PACRGL: variants seen among roughly 807,000 people sequenced by gnomAD.
PACRGL encodes the protein parkin coregulated like, also known as PACRG-like protein.
In PACRGL, 38 loss-of-function variants were observed where a neutral mutation model predicts 34.5. The observed-to-expected ratio is 1.10, with a 90% CI of 0.85 to 1.44. The LOEUF is 1.44. Among genes scored for constraint, PACRGL ranks in the 40% most tolerant of loss-of-function variants. The pLI is 0.00. For missense variants in PACRGL, 305 were observed against 281.4 expected (o/e 1.08, Z -0.60); for synonymous variants, 128 against 100.1 (o/e 1.28, Z -1.66).
At chr4:20,753,564 G>C (rs145168311), downstream of PACRGL, among the ~76,000 whole-genome samples, 356 of 152,176 alleles carry the variant, frequency 2.3e-3, 8 homozygotes, top group South Asian at 0.046. Context: ...AATCAATCTG[G>C]TTTATTTCTT....
At chr4:20,765,495 C>T in the PACRGL span, among the ~76,000 whole-genome samples, 2 of 152,124 alleles carry the variant, frequency 1.3e-5, no homozygotes, top group African/African-American at 2.4e-5. Context: ...CAATCTTTTT[C>T]TTTTTAGAAA....
chr4:20,746,890 T>A lies in PACRGL; in HGVS notation c.*57-5675T>A, dbSNP rs75454401. 3.9e-3 allele frequency among the ~76,000 whole-genome samples: 595 copies of A among 152,292 alleles called. 6 individuals carry two copies. Among genetic ancestry groups the A allele is most frequent in the African/African-American group, 0.013 (558 of 41,570 alleles). On this transcript the variant is annotated intron_variant, in intron 8 of 8. Transcript: ENST00000507634. ...ATGGTCTCTCTACTGTACCTCTCAGTATGCTATTGCTATTATTCAAAATGT... is the reference window on the plus strand; with the variant it reads ...ATGGTCTCTCTACTGTACCTCTCAGAATGCTATTGCTATTATTCAAAATGT...
intron 8 of PACRGL, among the ~76,000 whole-genome samples, chr4:20,751,148 T>G (rs1466226973): frequency 6.6e-6 from 1 of 152,232 alleles, no homozygotes; most frequent in African/African-American, 2.4e-5. Context: ...CAGTGGCATC[T>G]TCGCTCATCT....
At chr4:20,747,676 A>G (rs10938803) in intron 8 of PACRGL, among the ~76,000 whole-genome samples, 79,086 of 151,694 alleles carry the variant, frequency 0.52, 21,292 homozygotes, top group African/African-American at 0.64. Flanking sequence ...TTCTCTTCTC[A>G]GTGCTATTTC....
At chr4:20,740,804 G>C (rs771118024) in intron 8 of PACRGL, among the ~76,000 whole-genome samples, 1 of 152,138 alleles carries the variant, frequency 6.6e-6, no homozygotes, top group Non-Finnish European at 1.5e-5. Flanking sequence ...AGATCCATCA[G>C]TGTGCTGTAT....
chr4:20,717,988 G>A (rs187086324), intron 7 of PACRGL, among the ~76,000 whole-genome samples: 13 of 152,200 alleles, frequency 8.5e-5, no homozygotes, highest in Admixed American at 5.2e-4. Context: ...TCTTCCATTT[G>A]TTTGTGTCCT....
chr4:20,716,916 T>A (rs1740327233), intron 7 of PACRGL, among the ~76,000 whole-genome samples: 3 of 152,258 alleles, frequency 2.0e-5, no homozygotes, highest in African/African-American at 7.2e-5. Flanking sequence ...CACACTGTCT[T>A]ACACAATGGT....
upstream of PACRGL, among the ~76,000 whole-genome samples, chr4:20,698,959 C>T (rs2149013331): frequency 6.6e-6 from 1 of 152,240 alleles, no homozygotes. Flanking sequence ...TTGTAGGAGT[C>T]GTCATCCACA....
upstream of PACRGL, among the ~76,000 whole-genome samples, chr4:20,697,659 A>ATAAG (rs1731298451): frequency 6.6e-6 from 1 of 152,198 alleles, no homozygotes; most frequent in South Asian, 2.1e-4. Flanking sequence ...ATAGTGAAAT[A>ATAAG]CCGTACATTG....
intron 7 of PACRGL, 149 bp downstream of exon 7, chr4:20,713,688 T>A: frequency 1.7e-6 from 1 of 590,218 alleles, no homozygotes. Flanking sequence ...GAGATTCTGG[T>A]ATGTTGTGTC....
chr4:20,696,579 G>T (rs555868459), upstream of PACRGL: 1 of 152,332 alleles, frequency 6.6e-6, no homozygotes, highest in African/African-American at 2.4e-5. Flanking sequence ...TAATTGCACT[G>T]ACTCTGTAGT....
intron 7 of PACRGL, among the ~76,000 whole-genome samples, chr4:20,721,444 A>G (rs1189938120): frequency 3.3e-5 from 5 of 151,638 alleles, no homozygotes; most frequent in African/African-American, 7.3e-5. Context: ...TTTTTTCCCC[A>G]TCTTTGTGGT....
chr4:20,758,720 A>G, the PACRGL span: 3 of 881,718 alleles, frequency 3.4e-6, no homozygotes, highest in Non-Finnish European at 5.5e-6. Context: ...CTTTTACATA[A>G]CGATTAAAAA....
downstream of PACRGL, among the ~76,000 whole-genome samples, chr4:20,754,350 A>AG (rs1754142528): frequency 6.6e-6 from 1 of 152,168 alleles, no homozygotes; most frequent in South Asian, 2.1e-4. Flanking sequence ...GGAAATGGTG[A>AG]GATGTTGTGA....
chr4:20,704,243 G>A (rs1431252731), intron 1 of PACRGL, among the ~76,000 whole-genome samples: 1 of 152,132 alleles, frequency 6.6e-6, no homozygotes, highest in Non-Finnish European at 1.5e-5. Flanking sequence ...GTTGACTTTT[G>A]TACATCATTT....
In PACRGL at chr4:20,724,847, AT is replaced by A; in HGVS notation, c.650del (p.Ile217ThrfsTer8). Reference protein sequence around the residue: ...RLMDKKFKEPITSALQKLEQH... With the variant: ...RLMDKKFKEPXTSALQKLEQH... ...AATGGACAAGAAATTCAAAGAGCCA[AT>A]CACCAGCGCATTACAAAAGCTAGAG... is the stretch of plus-strand genomic sequence containing the variant. On this transcript the variant is annotated frameshift_variant, in exon 8 of 9. Transcript: ENST00000503585. LOFTEE classifies it high-confidence loss of function. The A allele has an allele frequency of 6.7e-7, 1 of 1,503,242 alleles. No individual in the cohort carries two copies. Among genetic ancestry groups the A allele is most frequent in the Non-Finnish European group, 8.8e-7 (1 of 1,134,980 alleles). The allele number at this position is 1,503,242 out of a possible 1,614,324, so 93.1% of individuals were successfully genotyped here.
At chr4:20,758,497 G>A in the PACRGL span, among the ~76,000 whole-genome samples, 4 of 152,220 alleles carry the variant, frequency 2.6e-5, no homozygotes, top group South Asian at 8.3e-4. Flanking sequence ...AGAATCAAGT[G>A]AGACCTACAA....
chr4:20,751,828 C>T (rs185925301), intron 8 of PACRGL, among the ~76,000 whole-genome samples: 1 of 152,256 alleles, frequency 6.6e-6, no homozygotes, highest in Non-Finnish European at 1.5e-5. Context: ...ACATCCTGTT[C>T]TTCTAAATGT....
At chr4:20,696,473 C>T (rs1330049726), upstream of PACRGL, 2 of 152,182 alleles carry the variant, frequency 1.3e-5, no homozygotes, top group Non-Finnish European at 2.9e-5. Context: ...CCACACTCCT[C>T]CAAGCCTCAT....
Sources: allele counts gnomAD v4.1 joint callset (sites outside exome capture counted in the v4.1 genomes callset), GRCh38; gene constraint gnomAD v4.1.1; transcripts MANE v1.5; gene names NCBI Gene and HGNC (gene_info 2026-07-23, HGNC 2026-07-21).